Variants in GPC5 observed in about 807,000 individuals in gnomAD.
GPC5 encodes glypican 5, also known as glypican-5.
Under a neutral mutation model 53.9 loss-of-function variants are expected in GPC5, and 47 were observed. The observed-to-expected ratio is 0.87, with a 90% CI of 0.69 to 1.11. GPC5 has a LOEUF of 1.11. Among genes scored for constraint, GPC5 ranks in the 50% most tolerant of loss-of-function variants. The pLI, the probability that GPC5 is intolerant of heterozygous loss-of-function variation, is 0.00. For missense variants in GPC5, 748 were observed against 713.1 expected (o/e 1.05, Z -0.56); for synonymous variants, 286 against 263.3 (o/e 1.09, Z -0.84).
intron 7 of GPC5, among the ~76,000 whole-genome samples, chr13:92,702,190 TAG>T (rs1887772978): frequency 6.6e-6 from 1 of 152,104 alleles, no homozygotes; most frequent in African/African-American, 2.4e-5. Flanking sequence ...TGAAAATCCA[TAG>T]AGTTTCATCC....
chr13:92,798,573 A>T (rs1218066245), intron 7 of GPC5, among the ~76,000 whole-genome samples: 1 of 151,864 alleles, frequency 6.6e-6, no homozygotes, highest in African/African-American at 2.4e-5. Context: ...TAAAATTTCA[A>T]GGCATTCAGA....
chr13:92,761,914 G>C (rs1406593714), intron 7 of GPC5, among the ~76,000 whole-genome samples: 1 of 152,018 alleles, frequency 6.6e-6, no homozygotes, highest in East Asian at 1.9e-4. Context: ...TGGCAGCTGA[G>C]AATATTATAC....
chr13:91,414,230 T>C (rs138110436), intron 1 of GPC5, among the ~76,000 whole-genome samples: 4 of 152,292 alleles, frequency 2.6e-5, no homozygotes, highest in Non-Finnish European at 5.9e-5. Flanking sequence ...CTTGTGATAG[T>C]GAGTGAGTTC....
At chr13:91,545,125 A>G (rs997231937) in intron 2 of GPC5, among the ~76,000 whole-genome samples, 1 of 152,108 alleles carries the variant, frequency 6.6e-6, no homozygotes, top group Non-Finnish European at 1.5e-5. Flanking sequence ...GCTTTCATCT[A>G]TTTATTAGAA....
chr13:92,363,931 A>T (rs1465027059), intron 7 of GPC5, among the ~76,000 whole-genome samples: 1 of 151,790 alleles, frequency 6.6e-6, no homozygotes, highest in African/African-American at 2.4e-5. Flanking sequence ...AAGAATGCCG[A>T]AACAGTGATT....
chr13:91,999,798 G>T (rs1338344436), intron 6 of GPC5, among the ~76,000 whole-genome samples: 1 of 152,064 alleles, frequency 6.6e-6, no homozygotes, highest in African/African-American at 2.4e-5. Context: ...AAAAAATGTA[G>T]ATGTAACTCC....
intron 7 of GPC5, among the ~76,000 whole-genome samples, chr13:92,559,548 T>A (rs2139026927): frequency 6.6e-6 from 1 of 151,780 alleles, no homozygotes; most frequent in Non-Finnish European, 1.5e-5. Context: ...AGCCCTCCCC[T>A]ATCTGGCTCT....
At chr13:92,535,538 A>T (rs1881697664) in intron 7 of GPC5, among the ~76,000 whole-genome samples, 1 of 152,040 alleles carries the variant, frequency 6.6e-6, no homozygotes, top group Non-Finnish European at 1.5e-5. Context: ...ATCTCATTGG[A>T]GGCAGTGATT....
Position 92,180,406 on chromosome 13 carries a change from C to T in GPC5, c.1561+35417C>T, listed in dbSNP as rs557831575. On this transcript the variant is annotated intron_variant, in intron 7 of 7. Coordinates refer to ENST00000377067, the MANE Select transcript of GPC5 (RefSeq NM_004466.6). ...AACAACAATTTAAGCTGGATTTTCT[C>T]TTTGTGAATGTGTATGTATTTGTGG... Among the ~76,000 whole-genome samples, 108 of 152,282 alleles carry T rather than the reference C, an allele frequency of 7.1e-4. 1 individual carries two copies. The highest frequency in any genetic ancestry group is 6.8e-3 in the Middle Eastern group (2 of 294).
At chr13:92,395,897 G>A (rs972156095) in intron 7 of GPC5, among the ~76,000 whole-genome samples, 1 of 145,930 alleles carries the variant, frequency 6.9e-6, no homozygotes, top group Admixed American at 6.9e-5. Flanking sequence ...ATGTGTAGGT[G>A]TTTGTTTCTG....
chr13:92,514,808 C>T (rs540172448), intron 7 of GPC5, among the ~76,000 whole-genome samples: 24 of 152,104 alleles, frequency 1.6e-4, no homozygotes, highest in Admixed American at 8.5e-4. Context: ...AAGACCCATT[C>T]GGCCTTCTCC....
rs142929058 is a variant in GPC5 at position 91,920,271 on chromosome 13, G to C, written c.1401+12214G>C. Among the ~76,000 whole-genome samples the C allele has an allele frequency of 4.2e-3, 631 of 151,910 alleles. 3 individuals carry two copies. The highest frequency in any genetic ancestry group is 0.015 in the African/African-American group (611 of 41,472). The stretch of plus-strand genomic sequence containing the variant: ...AAAGAATCAATAAGAAAATAAAAAA[G>C]AACTTCAGAAAATAAATATATTAAA... On this transcript the variant is annotated intron_variant, in intron 6 of 7. Transcript: ENST00000377067.
At chr13:91,911,573 A>G (rs1418351035) in intron 6 of GPC5, among the ~76,000 whole-genome samples, 1 of 152,124 alleles carries the variant, frequency 6.6e-6, no homozygotes, top group East Asian at 1.9e-4. Context: ...CACAACTTTA[A>G]TAAATCAATA....
At chr13:92,093,821 A>T (rs2041399737) in intron 6 of GPC5, among the ~76,000 whole-genome samples, 1 of 152,252 alleles carries the variant, frequency 6.6e-6, no homozygotes, top group Non-Finnish European at 1.5e-5. Flanking sequence ...AGAGTAAAAC[A>T]TGTTTAAAAG....
chr13:91,752,553 G>A (rs1239477537), intron 4 of GPC5, among the ~76,000 whole-genome samples: 1 of 152,304 alleles, frequency 6.6e-6, no homozygotes, highest in East Asian at 1.9e-4. Flanking sequence ...ATGGCATTTT[G>A]TACTGTGAAG....
intron 5 of GPC5, among the ~76,000 whole-genome samples, chr13:91,777,039 C>T (rs1219841951): frequency 6.6e-6 from 1 of 152,182 alleles, no homozygotes; most frequent in East Asian, 1.9e-4. Context: ...ACCCTAACGA[C>T]TGTGCATAAT....
At chr13:92,087,222 CA>C (rs1186363257) in intron 6 of GPC5, among the ~76,000 whole-genome samples, 1 of 152,166 alleles carries the variant, frequency 6.6e-6, no homozygotes, top group Non-Finnish European at 1.5e-5. Flanking sequence ...TTAGATGTAT[CA>C]GCAATGTGTC....
At chr13:92,233,554 A>G (rs1004524876) in intron 7 of GPC5, among the ~76,000 whole-genome samples, 2 of 152,206 alleles carry the variant, frequency 1.3e-5, no homozygotes, top group Non-Finnish European at 1.5e-5. Context: ...AAGACAGAAT[A>G]AAAGGAAAAA....
chr13:91,937,930 C>T (rs1414083838), intron 6 of GPC5, among the ~76,000 whole-genome samples: 1 of 151,960 alleles, frequency 6.6e-6, no homozygotes, highest in Non-Finnish European at 1.5e-5. Context: ...ATTGGTAACA[C>T]ATCTGATATG....
Sources: gnomAD v4.1 joint callset for allele counts (sites outside exome capture counted in the v4.1 genomes callset) on GRCh38, gnomAD v4.1.1 for gene constraint, MANE v1.5 for transcripts, NCBI Gene and HGNC (gene_info 2026-07-23, HGNC 2026-07-21) for gene names.